NUP210L: variants seen among roughly 807,000 people sequenced by gnomAD.
NUP210L encodes the protein nuclear pore membrane glycoprotein 210-like.
In NUP210L, 74 loss-of-function variants were observed where a neutral mutation model predicts 208.5. That is an observed-to-expected ratio of 0.35 (90% confidence interval 0.29 to 0.43). The LOEUF (loss-of-function observed/expected upper bound fraction) is 0.43. Among genes scored for constraint, NUP210L ranks in the 20% least tolerant of loss-of-function variants. NUP210L has a pLI of 1.00. For missense variants in NUP210L, 1,843 were observed against 2,289.4 expected (o/e 0.81, Z 3.98); for synonymous variants, 780 against 816.9 (o/e 0.95, Z 0.77).
chr1:154,137,847 C>A (rs959084092), intron 6 of NUP210L, among the ~76,000 whole-genome samples: 1 of 152,192 alleles, frequency 6.6e-6, no homozygotes, highest in African/African-American at 2.4e-5. Context: ...AAGCGAGAGC[C>A]ACCATGCCTG....
rs374762045 is a variant in NUP210L, at chr1:154,127,383, T to C, written c.1113A>G (p.Leu371=). The change falls in exon 9 of 40, where the codon CTA becomes CTG. Residue 371 remains leucine (L), a synonymous_variant. Coordinates refer to ENST00000368559, the Ensembl canonical transcript of NUP210L. ...TAATGACATATACCTGTCCCACCTC[T>C]AGACTCCATCGGTTTCCAGGTTGGA... 7.5e-5 allele frequency: 121 copies of C among 1,605,336 alleles called. No individual in the cohort carries two copies. The African/African-American group carries it at 1.5e-3, about 20-fold the overall frequency.
intron 2 of NUP210L, among the ~76,000 whole-genome samples, chr1:154,150,411 AC>A (rs753750377): frequency 2.2e-4 from 33 of 151,344 alleles, no homozygotes; most frequent in Admixed American, 5.9e-4. Flanking sequence ...TATCACCAAA[AC>A]CATCATAAAC....
intron 7 of NUP210L, among the ~76,000 whole-genome samples, chr1:154,132,479 T>C (rs1334493400): frequency 1.3e-5 from 2 of 152,146 alleles, no homozygotes; most frequent in Non-Finnish European, 2.9e-5. Context: ...CTGCTCTTTC[T>C]CTTATATTCT....
exon 37 of NUP210L, chr1:154,000,991 T>C (rs772702324): frequency 6.2e-7 from 1 of 1,614,180 alleles, no homozygotes; most frequent in Admixed American, 1.7e-5. Context: ...ACAGAGTAAA[T>C]GGCCAGGCCA....
intron 16 of NUP210L, among the ~76,000 whole-genome samples, chr1:154,084,501 C>T (rs555132432): frequency 5.3e-5 from 8 of 149,978 alleles, no homozygotes; most frequent in South Asian, 4.2e-4. Flanking sequence ...CATGAGCCAC[C>T]GCACCCGGCC....
chr1:154,059,003 A>G (rs1571223673), intron 20 of NUP210L, among the ~76,000 whole-genome samples: 1 of 152,290 alleles, frequency 6.6e-6, no homozygotes, highest in South Asian at 2.1e-4. Context: ...AGCCTGGGGA[A>G]CAAAGCAAAA....
At position 154,140,047 on chromosome 1, in the gene NUP210L, C is replaced by A. The variant is rs1211129313; in HGVS notation, c.567-95G>T. ...ACTTTAAACATAGTTTCTTCAATGT[C>A]TATAGAATGTAAAACACTTTTGACT... On this transcript the variant is annotated intron_variant, in intron 4 of 39. Coordinates refer to ENST00000368559, the Ensembl canonical transcript of NUP210L. 3.1e-6 allele frequency: 3 copies of A among 981,270 alleles called. No homozygotes were observed. In the East Asian group the frequency reaches 7.3e-5, roughly 24 times the overall value. 60.8% of individuals were successfully genotyped at this position (981,270 alleles called of 1,614,324 possible). A position where few individuals can be genotyped will look rare whatever the true frequency, so the allele number is the denominator to read the frequency against.
chr1:154,111,664 A>C (rs1657042775), intron 12 of NUP210L, among the ~76,000 whole-genome samples: 2 of 151,590 alleles, frequency 1.3e-5, no homozygotes, highest in Non-Finnish European at 2.9e-5. Flanking sequence ...AGCAAAACAA[A>C]GCCCAGGACT....
intron 35 of NUP210L, 152 bp from the exon 36 acceptor site, chr1:154,002,137 G>T (rs1380075325): frequency 8.1e-6 from 6 of 739,786 alleles, no homozygotes; most frequent in Non-Finnish European, 1.3e-5. Context: ...GCACAATATT[G>T]GCCACTACGA....
At chr1:154,032,402 T>C (rs1652276697) in intron 27 of NUP210L, among the ~76,000 whole-genome samples, 1 of 152,204 alleles carries the variant, frequency 6.6e-6, no homozygotes, top group Admixed American at 6.6e-5. Context: ...CCATTTTAAC[T>C]GGGGTGAGAT....
intron 27 of NUP210L, among the ~76,000 whole-genome samples, chr1:154,031,764 G>C (rs1332802053): frequency 6.7e-6 from 1 of 150,092 alleles, no homozygotes; most frequent in Non-Finnish European, 1.5e-5. Flanking sequence ...TGTTGCCCAG[G>C]TTGAGTGAGT....
chr1:154,129,728 G>T (rs1571309097), intron 7 of NUP210L, among the ~76,000 whole-genome samples: 1 of 152,226 alleles, frequency 6.6e-6, no homozygotes, highest in Non-Finnish European at 1.5e-5. Context: ...CTAAAGGGAT[G>T]AACTGTTGAT....
chr1:154,095,201 C>G (rs755922131), intron 14 of NUP210L, 45 bp from the exon 15 acceptor site: 15 of 1,404,246 alleles, frequency 1.1e-5, no homozygotes, highest in Non-Finnish European at 1.4e-5. Context: ...TTAGGGAATT[C>G]AATAATTTTC....
chr1:154,131,073 T>A lies in NUP210L; in HGVS notation c.1010-1728A>T, dbSNP rs963207115. Among the ~76,000 whole-genome samples, 8 of 151,826 alleles carry A rather than the reference T, an allele frequency of 5.3e-5. No homozygotes were observed. The East Asian group carries it at 1.4e-3, about 26-fold the overall frequency. Reference sequence around the variant, plus strand: ...CGAGGTCAGAAGATTGAGACCATCCTGGCTAACACGGTGAAACCCCGTCTC... The same window carrying A: ...CGAGGTCAGAAGATTGAGACCATCCAGGCTAACACGGTGAAACCCCGTCTC... On this transcript the variant is annotated intron_variant, in intron 7 of 39. Coordinates refer to ENST00000368559, the Ensembl canonical transcript of NUP210L.
At chr1:154,104,334 A>G (rs1656636219) in intron 12 of NUP210L, 124 bp from the exon 13 acceptor site, 1 of 717,138 alleles carries the variant, frequency 1.4e-6, no homozygotes, top group Non-Finnish European at 2.4e-6. Context: ...ACCAAATTGA[A>G]TGACTATCCA....
At chr1:154,058,775 G>T (rs1653999362) in intron 20 of NUP210L, 82 bp from the exon 21 acceptor site, 10 of 1,422,024 alleles carry the variant, frequency 7.0e-6, no homozygotes, top group Non-Finnish European at 8.7e-6. Context: ...ACCCAAAGCA[G>T]AATAGAAAAC....
chr1:154,154,296 A>G (rs1223602745), intron 1 of NUP210L, among the ~76,000 whole-genome samples: 1 of 152,208 alleles, frequency 6.6e-6, no homozygotes, highest in Non-Finnish European at 1.5e-5. Context: ...TAAGACTGCA[A>G]AAAGCGAATG....
chr1:154,126,183 C>T (rs1290070265), intron 10 of NUP210L, 140 bp downstream of exon 10: 12 of 662,156 alleles, frequency 1.8e-5, no homozygotes, highest in Non-Finnish European at 2.9e-5. Flanking sequence ...TAGAGGTATA[C>T]ACTTACGAAT....
chr1:154,101,264 A>G (rs1180934990), intron 13 of NUP210L, among the ~76,000 whole-genome samples: 1 of 151,088 alleles, frequency 6.6e-6, no homozygotes, highest in Non-Finnish European at 1.5e-5. Flanking sequence ...GGATCACCTG[A>G]GGTCAGTTCG....
Sources: allele counts gnomAD v4.1 joint callset (sites outside exome capture counted in the v4.1 genomes callset), GRCh38; gene constraint gnomAD v4.1.1; transcripts MANE v1.5; gene names NCBI Gene and HGNC (gene_info 2026-07-23, HGNC 2026-07-21).